HTD2: variants seen among roughly 807,000 people sequenced by gnomAD.
The protein encoded by HTD2 is hydroxyacyl-thioester dehydratase type 2, also known as hydroxyacyl-thioester dehydratase type 2, mitochondrial.
A neutral mutation model predicts 3.1 loss-of-function variants in HTD2; 1 was observed. That is an observed-to-expected ratio of 0.32 (90% CI 0.11 to 1.52). The LOEUF (loss-of-function observed/expected upper bound fraction) is 1.52, where lower values mean the gene tolerates loss of function less well. Among genes scored for constraint, HTD2 ranks in the 40% most tolerant of loss-of-function variants. The pLI is 0.39. For missense variants in HTD2, 150 were observed against 79.6 expected (o/e 1.88, Z -3.36); for synonymous variants, 50 against 28.9 (o/e 1.73, Z -2.34).
chr3:58,308,951 CAG>C (rs1298835009), intron 1 of HTD2, among the ~76,000 whole-genome samples: 8 of 152,212 alleles, frequency 5.3e-5, no homozygotes, highest in Non-Finnish European at 1.0e-4. Context: ...GAACTGTCTA[CAG>C]AGAGATGAGC....
chr3:58,310,582 G>A lies in HTD2; in HGVS notation c.-340G>A, dbSNP rs1171682873. The A allele has an allele frequency of 6.2e-7, 1 of 1,611,468 alleles. No homozygotes were observed. The highest frequency in any genetic ancestry group is 8.5e-7 in the Non-Finnish European group (1 of 1,178,994). ...TGCTTATTTCGGCTGTGAAGGACCT[G>A]TTTGGGGAGGTATGGAATCACTTGG... On this transcript the variant is annotated 5_prime_UTR_variant, in exon 2 of 5. Transcript: ENST00000461393.
chr3:58,316,366 G>C, intron 2 of HTD2, 149 bp from the exon 3 acceptor site: 1 of 661,934 alleles, frequency 1.5e-6, no homozygotes, highest in Non-Finnish European at 2.7e-6. Context: ...AGGGGGAGCT[G>C]TAAGTAGGCA....
chr3:58,311,102 AC>A (rs2097481729), intron 2 of HTD2, among the ~76,000 whole-genome samples: 1 of 151,480 alleles, frequency 6.6e-6, no homozygotes, highest in Non-Finnish European at 1.5e-5. Context: ...TCTGATAATC[AC>A]CAATCTACTT....
intron 2 of HTD2, among the ~76,000 whole-genome samples, chr3:58,314,128 A>G (rs1475667513): frequency 6.6e-6 from 1 of 152,182 alleles, no homozygotes; most frequent in Non-Finnish European, 1.5e-5. Context: ...AGGTGGGTTG[A>G]TTGCCTGAGG....
intron 2 of HTD2, among the ~76,000 whole-genome samples, chr3:58,311,766 A>G (rs79686254): frequency 0.025 from 3,854 of 151,304 alleles, 91 homozygotes; most frequent in South Asian, 0.069. Flanking sequence ...AGCATGAGCC[A>G]CTATGCCCAG....
intron 1 of HTD2, 119 bp downstream of exon 1, chr3:58,306,770 C>G (rs1421689161): frequency 3.9e-5 from 6 of 152,018 alleles, no homozygotes; most frequent in Admixed American, 6.5e-5. Flanking sequence ...CGCACGCCCA[C>G]TGTGCACGAC....
In HTD2 at chr3:58,316,518, G is replaced by A; in HGVS notation, c.-327G>A. On this transcript the variant is annotated 5_prime_UTR_variant, in exon 3 of 5. Coordinates refer to ENST00000461393, the MANE Select transcript of HTD2 (RefSeq NM_001348712.2). ...AATAGCATTATTCCATATGCAGGTT[G>A]ATGCCGCCTTACCTTTGGACATCCT... The A allele has an allele frequency of 6.2e-7, 1 of 1,613,710 alleles. No individual in the cohort carries two copies.
rs1559796252 is a variant in HTD2, at chr3:58,317,430, T to G, written c.-174-10T>G. On this transcript the variant is annotated splice_polypyrimidine_tract_variant and intron_variant, in intron 4 of 4. Transcript: ENST00000461393. ...CTCCCAATGCCTTAACCTTTTTCTTTCTCTTCTAGGTTTCTCCATTTCTTC... is the reference window on the plus strand; with the variant it reads ...CTCCCAATGCCTTAACCTTTTTCTTGCTCTTCTAGGTTTCTCCATTTCTTC... 6.3e-7 allele frequency: 1 copy of G among 1,583,122 alleles called. No individual in the cohort carries two copies. Among genetic ancestry groups the G allele is most frequent in the South Asian group, 1.1e-5 (1 of 89,854 alleles).
In HTD2 at chr3:58,319,064, A is replaced by G. The variant is rs1362229820; in HGVS notation, c.*944A>G. 3 of 152,164 alleles carry G rather than the reference A, an allele frequency of 2.0e-5. No homozygotes were observed. Among genetic ancestry groups the G allele is most frequent in the African/African-American group, 7.2e-5 (3 of 41,446 alleles). 9.4% of individuals were successfully genotyped at this position (152,164 alleles called of 1,614,324 possible). ...ATTTGCATTTGGATAACAAATCCCTACCTATAGCCATGTGGAAGCAGCTTG... is the reference window on the plus strand; with the variant it reads ...ATTTGCATTTGGATAACAAATCCCTGCCTATAGCCATGTGGAAGCAGCTTG... On this transcript the variant is annotated 3_prime_UTR_variant, in exon 5 of 5. Coordinates refer to ENST00000461393, the MANE Select transcript of HTD2 (RefSeq NM_001348712.2).
chr3:58,310,664 A>G (rs2097481246), intron 2 of HTD2, 73 bp downstream of exon 2: 2 of 1,304,104 alleles, frequency 1.5e-6, no homozygotes, highest in Non-Finnish European at 1.1e-6. Context: ...CGGGCGCGGT[A>G]GCTCACGCCT....
chr3:58,311,673 A>G (rs1234221605), intron 2 of HTD2, among the ~76,000 whole-genome samples: 2 of 124,310 alleles, frequency 1.6e-5, no homozygotes, highest in African/African-American at 2.9e-5. Context: ...CATTTTGCCT[A>G]TTGGGAATAC....
intron 1 of HTD2, among the ~76,000 whole-genome samples, chr3:58,306,887 T>TA (rs1377178634): frequency 6.6e-6 from 1 of 152,070 alleles, no homozygotes; most frequent in Non-Finnish European, 1.5e-5. Flanking sequence ...ATAAACGAGT[T>TA]ACATAATTGT....
chr3:58,309,742 G>A (rs534316393), intron 1 of HTD2, among the ~76,000 whole-genome samples: 3 of 151,950 alleles, frequency 2.0e-5, no homozygotes, highest in Admixed American at 1.3e-4. Flanking sequence ...ATACAAAAAA[G>A]GTAGCCGGGC....
Position 58,317,968 on chromosome 3 carries a change from T to C in HTD2, c.355T>C (p.Tyr119His), listed in dbSNP as rs1411698493. Residue 119 changes from tyrosine (Y) to histidine (H), a missense_variant, in exon 5 of 5, where the codon TAT becomes CAT. Physicochemically the swap from Tyr to His is moderately conservative, Grantham distance 83. Coordinates refer to ENST00000461393, the MANE Select transcript of HTD2 (RefSeq NM_001348712.2). ...SQEISFPAPL[Y>H]IGEVVLASAE... ...GGAAATTAGCTTTCCAGCCCCTTTATATATTGGAGAAGTTGTTTTAGCTTC... is the reference window on the plus strand; with the variant it reads ...GGAAATTAGCTTTCCAGCCCCTTTACATATTGGAGAAGTTGTTTTAGCTTC... The C allele has an allele frequency of 1.4e-6, 1 of 702,944 alleles. No homozygotes were observed. Among genetic ancestry groups the C allele is most frequent in the Non-Finnish European group, 2.6e-6 (1 of 384,990 alleles). 43.5% of individuals were successfully genotyped at this position (702,944 alleles called of 1,614,324 possible).
intron 2 of HTD2, among the ~76,000 whole-genome samples, chr3:58,311,462 T>C (rs78412482): frequency 1.3e-5 from 2 of 152,166 alleles, no homozygotes; most frequent in African/African-American, 4.8e-5. Flanking sequence ...CAAGATCTGC[T>C]TTTTTAGCTC....
intron 2 of HTD2, among the ~76,000 whole-genome samples, chr3:58,311,907 G>A (rs567906974): frequency 3.9e-5 from 6 of 152,110 alleles, no homozygotes; most frequent in East Asian, 1.9e-4. Flanking sequence ...AAGTCTTGCC[G>A]TGATGCCCAG....
In HTD2 at chr3:58,318,212, A is replaced by G. The variant is rs570436641; in HGVS notation, c.*92A>G. 4.7e-4 allele frequency: 279 copies of G among 593,232 alleles called. No homozygotes were observed. The highest frequency in any genetic ancestry group is 5.3e-4 in the Non-Finnish European group (178 of 337,230). The allele number at this position is 593,232 out of a possible 1,614,324, so 36.7% of individuals were successfully genotyped here. On this transcript the variant is annotated 3_prime_UTR_variant, in exon 5 of 5. Transcript: ENST00000461393. ...TGCTCTTTACCAAAGAATGGTTGAT[A>G]GGCCCAGAAGCCCATCTTAGTTAGG...
intron 2 of HTD2, among the ~76,000 whole-genome samples, chr3:58,311,179 G>T (rs2097481860): frequency 6.6e-6 from 1 of 151,380 alleles, no homozygotes; most frequent in Non-Finnish European, 1.5e-5. Flanking sequence ...CTTTGAGATG[G>T]AGTCTTGCTT....
intron 2 of HTD2, among the ~76,000 whole-genome samples, chr3:58,313,172 T>A (rs2097484248): frequency 6.6e-6 from 1 of 151,334 alleles, no homozygotes; most frequent in South Asian, 2.1e-4. Context: ...GGCAGGAGAA[T>A]GGCATGAACC....
Sources: gnomAD v4.1 joint callset for allele counts (sites outside exome capture counted in the v4.1 genomes callset) on GRCh38, gnomAD v4.1.1 for gene constraint, MANE v1.5 for transcripts, NCBI Gene and HGNC (gene_info 2026-07-23, HGNC 2026-07-21) for gene names.